Variants in ABCA5 observed in about 807,000 individuals in gnomAD.
ABCA5 encodes ATP binding cassette subfamily A member 5.
ABCA5 carries 163 observed loss-of-function variants against 206.0 expected under a neutral mutation model. The ratio of observed to expected loss-of-function variants is 0.79; its 90% confidence interval spans 0.70 to 0.90. ABCA5 has a LOEUF of 0.90. Ranked by LOEUF, ABCA5 falls within the 40% of genes least tolerant of loss-of-function variation. The pLI is 0.00. For missense variants in ABCA5, 1,859 were observed against 1,912.9 expected, an observed-to-expected ratio of 0.97 and a Z score of 0.53; for synonymous variants, 609 against 613.8, an observed-to-expected ratio of 0.99 and a Z score of 0.11.
chr17:69,258,843 T>C (rs1304017703), intron 28 of ABCA5, among the ~76,000 whole-genome samples: 2 of 152,098 alleles, frequency 1.3e-5, no homozygotes, highest in Non-Finnish European at 2.9e-5. Context: ...AAGTTGAGGA[T>C]GCTGAAATGA....
chr17:69,253,456 A>G (rs907725902), intron 34 of ABCA5, 117 bp downstream of exon 34: 2 of 575,898 alleles, frequency 3.5e-6, no homozygotes, highest in Non-Finnish European at 5.9e-6. Context: ...TTACTAGTGT[A>G]TCGTTTGAAT....
intron 24 of ABCA5, among the ~76,000 whole-genome samples, chr17:69,263,960 T>C (rs57758461): frequency 0.16 from 24,351 of 152,040 alleles, 2,108 homozygotes; most frequent in African/African-American, 0.23. Flanking sequence ...TCTCCCAGAG[T>C]GCTGGGATTA....
In ABCA5 at chr17:69,277,666, G is replaced by T; in HGVS notation, c.2569C>A (p.Arg857Ser). Residue 857 changes from arginine (R) to serine (S), a missense_variant, in exon 19 of 39, where the codon CGT becomes AGT. By Grantham distance (110) the Arg-to-Ser change is moderately radical. Coordinates refer to ENST00000392676, the MANE Select transcript of ABCA5 (RefSeq NM_172232.4). ...IAKFHFFTLK[R>S]ESKSVRSVLL... ...ACTGATCTCACTGATTTACTTTCAC[G>T]TTTCAAGGTAAAGAAATGAAACTTT... The T allele has an allele frequency of 6.2e-7, 1 of 1,610,514 alleles. No homozygotes were observed. Among genetic ancestry groups the T allele is most frequent in the Non-Finnish European group, 8.5e-7 (1 of 1,178,846 alleles).
At chr17:69,319,325 T>C (rs764407232) in intron 1 of ABCA5, among the ~76,000 whole-genome samples, 1 of 152,228 alleles carries the variant, frequency 6.6e-6, no homozygotes, top group Non-Finnish European at 1.5e-5. Context: ...TGCTTAACTC[T>C]TCATTTTTAT....
At chr17:69,257,230 G>C (rs1255453487) in intron 28 of ABCA5, among the ~76,000 whole-genome samples, 1 of 151,818 alleles carries the variant, frequency 6.6e-6, no homozygotes, top group Non-Finnish European at 1.5e-5. Flanking sequence ...AATTAACCAG[G>C]TGTGGTGGCA....
chr17:69,262,251 G>C (rs1306728092), intron 24 of ABCA5, among the ~76,000 whole-genome samples: 1 of 152,042 alleles, frequency 6.6e-6, no homozygotes, highest in Non-Finnish European at 1.5e-5. Context: ...TTTTACTTTA[G>C]AATCAGGGGA....
chr17:69,295,439 G>C (rs1382524929), intron 10 of ABCA5, among the ~76,000 whole-genome samples: 1 of 152,136 alleles, frequency 6.6e-6, no homozygotes, highest in African/African-American at 2.4e-5. Flanking sequence ...CAATTTACTG[G>C]AGAGATGAAC....
intron 1 of ABCA5, among the ~76,000 whole-genome samples, chr17:69,322,158 T>C (rs909185102): frequency 6.6e-6 from 1 of 151,472 alleles, no homozygotes; most frequent in Non-Finnish European, 1.5e-5. Context: ...GATCACGAGG[T>C]CAGGAGACAG....
Position 69,261,663 on chromosome 17 carries a change from T to C in ABCA5, c.3401A>G (p.Lys1134Arg). The C allele has an allele frequency of 6.8e-7, 1 of 1,464,592 alleles. No homozygotes were observed. The highest frequency in any genetic ancestry group is 9.3e-7 in the Non-Finnish European group (1 of 1,079,618). The allele number at this position is 1,464,592 out of a possible 1,614,324, so 90.7% of individuals were successfully genotyped here. ...SFTFKKILNT[K>R]EFWSFIYSVA... is the part of the protein sequence containing the mutation. ...AGAATAGATAAATGACCAAAATTCT[T>C]TGGTATTTAAAATTTTCTTAAAGGT... The change falls in exon 25 of 39, where the codon AAA becomes AGA. Residue 1134 changes from lysine to arginine, a missense_variant. Transcript: ENST00000392676.
chr17:69,319,162 G>A (rs2075843041), intron 1 of ABCA5, among the ~76,000 whole-genome samples: 1 of 152,162 alleles, frequency 6.6e-6, no homozygotes. Flanking sequence ...AGGAGGGAAG[G>A]AAGGAAGAAA....
At chr17:69,306,418 G>A (rs1166992812) in intron 6 of ABCA5, among the ~76,000 whole-genome samples, 3 of 151,978 alleles carry the variant, frequency 2.0e-5, no homozygotes, top group Admixed American at 6.6e-5. Context: ...AGAAATATAC[G>A]TGGAGTATAT....
At chr17:69,292,556 T>C (rs756398495) in intron 11 of ABCA5, among the ~76,000 whole-genome samples, 27 of 152,240 alleles carry the variant, frequency 1.8e-4, no homozygotes, top group Non-Finnish European at 3.2e-4. Flanking sequence ...CAAATAATTT[T>C]ACTGCATCCT....
intron 1 of ABCA5, among the ~76,000 whole-genome samples, chr17:69,315,902 GCAAA>G (rs1202960377): frequency 6.6e-6 from 1 of 151,906 alleles, no homozygotes; most frequent in Non-Finnish European, 1.5e-5. Flanking sequence ...AAGGGCTTCA[GCAAA>G]CAATCGAAAG....
At chr17:69,314,466 G>A in intron 1 of ABCA5, 36 bp from the exon 2 acceptor site, 1 of 1,320,608 alleles carries the variant, frequency 7.6e-7, no homozygotes, top group South Asian at 1.2e-5. Flanking sequence ...CAAACCCGGA[G>A]CCACGCAGTA....
chr17:69,271,328 T>C (rs2075271594), intron 20 of ABCA5, 39 bp from the exon 21 acceptor site: 7 of 1,573,676 alleles, frequency 4.4e-6, no homozygotes, highest in Non-Finnish European at 6.0e-6. Flanking sequence ...AAAATGAGTC[T>C]AAACGAGGCT....
At chr17:69,304,638 C>A in intron 7 of ABCA5, 31 bp downstream of exon 7, 2 of 1,517,404 alleles carry the variant, frequency 1.3e-6, no homozygotes, top group Admixed American at 2.2e-5. Context: ...TTTGACAGTT[C>A]TTTATTCCTA....
chr17:69,246,055 G>A lies in ABCA5; in HGVS notation c.*1482C>T, dbSNP rs1458628425. ...TATATATACTTTAGGAAAGTGTATA[G>A]CAACTGCCCCCAGCAATGGGGGAAA... On this transcript the variant is annotated 3_prime_UTR_variant, in exon 39 of 39. Coordinates refer to ENST00000392676, the MANE Select transcript of ABCA5 (RefSeq NM_172232.4). 1 of 151,926 alleles carries A rather than the reference G, an allele frequency of 6.6e-6. No individual in the cohort carries two copies. Among genetic ancestry groups the A allele is most frequent in the African/African-American group, 2.4e-5 (1 of 41,414 alleles). 9.4% of individuals were successfully genotyped at this position (151,926 alleles called of 1,614,324 possible).
At chr17:69,303,860 A>G (rs55910195) in intron 7 of ABCA5, among the ~76,000 whole-genome samples, 2,240 of 24,038 alleles carry the variant, frequency 0.093, 805 homozygotes, top group Middle Eastern at 0.5. Flanking sequence ...ATATATGTAT[A>G]TATATATATA....
intron 3 of ABCA5, among the ~76,000 whole-genome samples, chr17:69,312,757 G>T (rs2075782247): frequency 6.6e-6 from 1 of 152,014 alleles, no homozygotes; most frequent in Non-Finnish European, 1.5e-5. Flanking sequence ...GCTAAACATT[G>T]CTAGCTTCAT....
Sources: allele counts gnomAD v4.1 joint callset (sites outside exome capture counted in the v4.1 genomes callset), GRCh38; gene constraint gnomAD v4.1.1; transcripts MANE v1.5; gene names NCBI Gene and HGNC (gene_info 2026-07-23, HGNC 2026-07-21).